The following TMEFF2 variants were observed in gnomAD, a reference collection of about 807,000 sequenced individuals.
TMEFF2 encodes the protein tomoregulin-2.
In TMEFF2, 28 loss-of-function variants were observed where a neutral mutation model predicts 53.8. That is an observed-to-expected ratio of 0.52 (90% CI 0.39 to 0.71). The LOEUF (loss-of-function observed/expected upper bound fraction) is 0.71, where lower values mean the gene tolerates loss of function less well. Among genes scored for constraint, TMEFF2 ranks in the 30% least tolerant of loss-of-function variants. The pLI is 0.00. For synonymous variants in TMEFF2, 162 were observed against 166.3 expected (o/e 0.97, Z 0.20); for missense variants, 353 against 455.2 (o/e 0.78, Z 2.04).
chr2:192,191,090 G>A (rs896238437), intron 2 of TMEFF2, among the ~76,000 whole-genome samples: 1 of 152,010 alleles, frequency 6.6e-6, no homozygotes, highest in Non-Finnish European at 1.5e-5. Flanking sequence ...CACTTTGAGA[G>A]GAAAAGTTTT....
chr2:191,992,053 G>A (rs1686122173), intron 7 of TMEFF2, among the ~76,000 whole-genome samples: 1 of 152,066 alleles, frequency 6.6e-6, no homozygotes, highest in African/African-American at 2.4e-5. Flanking sequence ...TACTTGCAAT[G>A]AGACACTTTC....
At chr2:192,004,863 C>T (rs1160996494) in intron 5 of TMEFF2, among the ~76,000 whole-genome samples, 2 of 152,138 alleles carry the variant, frequency 1.3e-5, no homozygotes, top group African/African-American at 2.4e-5. Context: ...TATAGCATGT[C>T]ACAAGTATTT....
chr2:192,060,802 C>T (rs537416978), intron 4 of TMEFF2, among the ~76,000 whole-genome samples: 3 of 152,242 alleles, frequency 2.0e-5, no homozygotes, highest in Admixed American at 6.5e-5. Flanking sequence ...CTTAACCATG[C>T]ATTTATATTG....
intron 8 of TMEFF2, among the ~76,000 whole-genome samples, chr2:191,954,783 C>T (rs1692012739): frequency 6.6e-6 from 1 of 152,096 alleles, no homozygotes; most frequent in South Asian, 2.1e-4. Context: ...TGAATGTTGC[C>T]TCCTCTCACT....
Position 192,153,986 on chromosome 2 carries a change from C to T in TMEFF2, c.439+25682G>A, listed in dbSNP as rs191839134. Among the ~76,000 whole-genome samples the T allele has an allele frequency of 2.8e-4, 43 of 151,870 alleles. No individual in the cohort carries two copies. In the East Asian group the frequency reaches 8.2e-3, roughly 29 times the overall value. On this transcript the variant is annotated intron_variant, in intron 4 of 9. Transcript: ENST00000272771. ...GGGGAAGGGTGAATACAAAACAGTG[C>T]TTGTATATTAAATTTGAAGGCAGAG...
intron 7 of TMEFF2, among the ~76,000 whole-genome samples, chr2:191,964,358 T>TTCTTTC (rs1692381772): frequency 9.6e-6 from 1 of 104,312 alleles, no homozygotes; most frequent in Admixed American, 1.0e-4. Flanking sequence ...CTTTCTTTCT[T>TTCTTTC]TCTTTCTTTC....
intron 4 of TMEFF2, among the ~76,000 whole-genome samples, chr2:192,151,716 A>T (rs2106001268): frequency 6.6e-6 from 1 of 152,040 alleles, no homozygotes; most frequent in Non-Finnish European, 1.5e-5. Context: ...TGCAAGGACT[A>T]TCATGAGAGA....
intron 6 of TMEFF2, 114 bp from the exon 7 acceptor site, chr2:191,998,435 T>G: frequency 1.4e-6 from 1 of 711,676 alleles, no homozygotes; most frequent in Non-Finnish European, 2.2e-6. Flanking sequence ...TTTTTACAAC[T>G]GTAGTTCTAA....
intron 4 of TMEFF2, among the ~76,000 whole-genome samples, chr2:192,124,422 C>T (rs13008224): frequency 0.15 from 22,347 of 152,158 alleles, 2,374 homozygotes; most frequent in African/African-American, 0.28. Context: ...CTACAGAAGA[C>T]ATTCTAATGG....
intron 4 of TMEFF2, among the ~76,000 whole-genome samples, chr2:192,063,381 AAATTT>A (rs1351984775): frequency 6.6e-6 from 1 of 151,872 alleles, no homozygotes; most frequent in Non-Finnish European, 1.5e-5. Context: ...CATCTTCATT[AAATTT>A]AATAGTTTAA....
intron 5 of TMEFF2, among the ~76,000 whole-genome samples, chr2:192,050,356 G>A (rs56407016): frequency 0.022 from 3,302 of 152,220 alleles, 111 homozygotes; most frequent in African/African-American, 0.074. Context: ...AGATTCTCTA[G>A]AATTTATGTG....
chr2:192,052,654 AATT>A (rs1215008655), intron 5 of TMEFF2, among the ~76,000 whole-genome samples: 1 of 152,062 alleles, frequency 6.6e-6, no homozygotes, highest in Non-Finnish European at 1.5e-5. Flanking sequence ...CTTCTTTATA[AATT>A]ATATTTGGCA....
intron 4 of TMEFF2, among the ~76,000 whole-genome samples, chr2:192,098,888 A>G (rs888447156): frequency 6.6e-6 from 1 of 152,174 alleles, no homozygotes; most frequent in Non-Finnish European, 1.5e-5. Context: ...TTCACCAAAA[A>G]ATTGATTTGA....
chr2:192,141,371 T>A (rs1690133585), intron 4 of TMEFF2, among the ~76,000 whole-genome samples: 1 of 150,996 alleles, frequency 6.6e-6, no homozygotes, highest in African/African-American at 2.4e-5. Flanking sequence ...TGGAATCGTT[T>A]GAGCCCAAAA....
At chr2:192,066,105 CTT>C (rs1688163529) in intron 4 of TMEFF2, among the ~76,000 whole-genome samples, 1 of 151,692 alleles carries the variant, frequency 6.6e-6, no homozygotes, top group Admixed American at 6.6e-5. Flanking sequence ...CAAGAAAACA[CTT>C]TCCTTTTTTT....
intron 5 of TMEFF2, among the ~76,000 whole-genome samples, chr2:192,023,866 A>G (rs977846207): frequency 5.9e-5 from 9 of 152,138 alleles, no homozygotes; most frequent in Admixed American, 3.3e-4. Flanking sequence ...CATTGGATGA[A>G]GGTTTAGCAA....
At chr2:192,008,946 G>C (rs968546583) in intron 5 of TMEFF2, among the ~76,000 whole-genome samples, 3 of 152,124 alleles carry the variant, frequency 2.0e-5, no homozygotes, top group Non-Finnish European at 4.4e-5. Context: ...CATGCCCTTG[G>C]ATTTTATCCA....
At chr2:192,070,400 G>A (rs1688268758) in intron 4 of TMEFF2, among the ~76,000 whole-genome samples, 1 of 151,606 alleles carries the variant, frequency 6.6e-6, no homozygotes, top group South Asian at 2.1e-4. Context: ...AGCCAATGAG[G>A]TATTTCTAAT....
intron 7 of TMEFF2, among the ~76,000 whole-genome samples, chr2:191,996,226 A>G (rs1686218393): frequency 6.6e-6 from 1 of 151,846 alleles, no homozygotes; most frequent in Admixed American, 6.6e-5. Flanking sequence ...AACTTTATAA[A>G]TGCATATATA....
Sources: gnomAD v4.1 joint callset for allele counts (sites outside exome capture counted in the v4.1 genomes callset) on GRCh38, gnomAD v4.1.1 for gene constraint, MANE v1.5 for transcripts, NCBI Gene and HGNC (gene_info 2026-07-23, HGNC 2026-07-21) for gene names.